Variants in ZNF407 observed in about 807,000 individuals in gnomAD.
ZNF407 encodes the protein zinc finger protein 407.
A neutral mutation model predicts 131.2 loss-of-function variants in ZNF407; 17 were observed. The observed-to-expected ratio is 0.13, with a 90% CI of 0.09 to 0.19. The LOEUF (loss-of-function observed/expected upper bound fraction) is 0.19, where lower values mean the gene tolerates loss of function less well. ZNF407 is among the 10% of genes least tolerant of loss of function. The probability of loss-of-function intolerance (pLI) is 1.00; values close to 1 mark genes in which losing one functional copy is unlikely to be tolerated. For missense variants in ZNF407, 2,681 were observed against 2,830.6 expected (o/e 0.95, Z 1.20); for synonymous variants, 1,156 against 1,062.0 (o/e 1.09, Z -1.72).
chr18:74,763,454 T>C (rs1369135349), intron 3 of ZNF407, among the ~76,000 whole-genome samples: 1 of 151,486 alleles, frequency 6.6e-6, no homozygotes, highest in African/African-American at 2.4e-5. Context: ...TATACATTTT[T>C]TCTTTAATGA....
Position 74,989,536 on chromosome 18 carries a change from T to A in ZNF407, c.5428+68844T>A, listed in dbSNP as rs185617791. On this transcript the variant is annotated intron_variant, in intron 8 of 8. Coordinates refer to ENST00000299687, the MANE Select transcript of ZNF407 (RefSeq NM_017757.3). ...TCGAAGATTCTATGAACTTAGCATT[T>A]TAGATATTGGAATTACATTTCTTGG... is the stretch of plus-strand genomic sequence containing the variant. 5.3e-5 allele frequency among the ~76,000 whole-genome samples: 8 copies of A among 152,296 alleles called. No individual in the cohort carries two copies. The East Asian group carries it at 1.5e-3, about 29-fold the overall frequency.
At chr18:74,869,770 T>C (rs1296655805) in intron 4 of ZNF407, among the ~76,000 whole-genome samples, 1 of 152,200 alleles carries the variant, frequency 6.6e-6, no homozygotes, top group Non-Finnish European at 1.5e-5. Flanking sequence ...TTGATTTGTT[T>C]ATGATGCTTT....
chr18:74,888,965 C>G (rs746034554), intron 6 of ZNF407, among the ~76,000 whole-genome samples: 7 of 152,194 alleles, frequency 4.6e-5, no homozygotes, highest in Non-Finnish European at 8.8e-5. Context: ...TGGTCAACAA[C>G]AGACCACATA....
intron 1 of ZNF407, among the ~76,000 whole-genome samples, chr18:74,629,993 T>C (rs920685306): frequency 6.6e-6 from 1 of 152,064 alleles, no homozygotes; most frequent in African/African-American, 2.4e-5. Flanking sequence ...AAATGACAAT[T>C]AGATGAGGAA....
At chr18:75,037,602 G>A (rs769420226) in intron 8 of ZNF407, among the ~76,000 whole-genome samples, 3 of 151,952 alleles carry the variant, frequency 2.0e-5, no homozygotes, top group African/African-American at 4.8e-5. Context: ...AATGAAGCCC[G>A]TCCGTCTCAA....
At chr18:74,621,670 C>T (rs1460259838) in intron 1 of ZNF407, among the ~76,000 whole-genome samples, 2 of 152,174 alleles carry the variant, frequency 1.3e-5, no homozygotes, top group Non-Finnish European at 2.9e-5. Flanking sequence ...CTTAGAACTT[C>T]GTCTCCAGCA....
At chr18:74,665,291 T>C (rs1252718166) in intron 3 of ZNF407, among the ~76,000 whole-genome samples, 1 of 152,220 alleles carries the variant, frequency 6.6e-6, no homozygotes, top group Non-Finnish European at 1.5e-5. Context: ...TTAGAGATCA[T>C]TAGCCATCTT....
chr18:74,857,351 C>T (rs986333000), intron 4 of ZNF407, among the ~76,000 whole-genome samples: 1 of 152,152 alleles, frequency 6.6e-6, no homozygotes, highest in Non-Finnish European at 1.5e-5. Flanking sequence ...AGAATTATTT[C>T]ATATTCTTCC....
chr18:74,857,673 A>G (rs1260650416), intron 4 of ZNF407, among the ~76,000 whole-genome samples: 2 of 152,178 alleles, frequency 1.3e-5, no homozygotes, highest in Non-Finnish European at 2.9e-5. Context: ...TTATAGTAAT[A>G]TCATAGTTTG....
intron 3 of ZNF407, among the ~76,000 whole-genome samples, chr18:74,672,308 C>T (rs919806346): frequency 1.3e-5 from 2 of 152,150 alleles, no homozygotes; most frequent in African/African-American, 4.8e-5. Context: ...ATCAGTGATA[C>T]TGAGCTTTTT....
chr18:75,030,689 G>T (rs1270142855), intron 8 of ZNF407, among the ~76,000 whole-genome samples: 2 of 152,150 alleles, frequency 1.3e-5, no homozygotes, highest in Non-Finnish European at 2.9e-5. Flanking sequence ...TTTAGGAGTG[G>T]CAGGACCCAT....
chr18:74,801,241 A>G (rs371627404), intron 4 of ZNF407, among the ~76,000 whole-genome samples: 5 of 152,152 alleles, frequency 3.3e-5, no homozygotes, highest in African/African-American at 4.8e-5. Flanking sequence ...AAAATGTAAA[A>G]CATTCAGTTT....
chr18:74,981,640 C>T (rs1184854595), intron 8 of ZNF407, among the ~76,000 whole-genome samples: 1 of 151,924 alleles, frequency 6.6e-6, no homozygotes, highest in Non-Finnish European at 1.5e-5. Context: ...ACGGAGGGCA[C>T]TGTCGCTCGG....
Position 74,920,501 on chromosome 18 carries a change from T to C in ZNF407, c.5250-13T>C. On this transcript the variant is annotated splice_polypyrimidine_tract_variant and intron_variant, in intron 7 of 8. Coordinates refer to ENST00000299687, the MANE Select transcript of ZNF407 (RefSeq NM_017757.3). Reference sequence around the variant, plus strand: ...GACCTTAATTAGATTTACTTTTCTGTCTTACTTGGTAGGTCAAACTGTGCT... The same window carrying C: ...GACCTTAATTAGATTTACTTTTCTGCCTTACTTGGTAGGTCAAACTGTGCT... The C allele has an allele frequency of 6.4e-7, 1 of 1,562,312 alleles. No individual in the cohort carries two copies. The highest frequency in any genetic ancestry group is 8.7e-7 in the Non-Finnish European group (1 of 1,144,898).
At chr18:74,785,962 T>C (rs929602209) in intron 4 of ZNF407, among the ~76,000 whole-genome samples, 1 of 152,214 alleles carries the variant, frequency 6.6e-6, no homozygotes, top group African/African-American at 2.4e-5. Flanking sequence ...ATGTGTGCAG[T>C]TGTGACTGAT....
chr18:74,699,293 C>T (rs1274790869), intron 3 of ZNF407, among the ~76,000 whole-genome samples: 2 of 152,090 alleles, frequency 1.3e-5, no homozygotes, highest in Non-Finnish European at 2.9e-5. Context: ...ATATGCTTTT[C>T]CTGGTACAGG....
At chr18:74,920,030 G>A (rs1044916497) in intron 7 of ZNF407, among the ~76,000 whole-genome samples, 5 of 152,150 alleles carry the variant, frequency 3.3e-5, no homozygotes, top group Non-Finnish European at 4.4e-5. Flanking sequence ...CCTGGGAGCC[G>A]TTTCTAGCTA....
At chr18:74,974,890 G>C (rs1486971398) in intron 8 of ZNF407, among the ~76,000 whole-genome samples, 1 of 152,186 alleles carries the variant, frequency 6.6e-6, no homozygotes, top group African/African-American at 2.4e-5. Context: ...CTTCTTTGCT[G>C]TGTCTTTGGG....
At chr18:74,973,142 G>A (rs1290918053) in intron 8 of ZNF407, among the ~76,000 whole-genome samples, 2 of 151,930 alleles carry the variant, frequency 1.3e-5, no homozygotes, top group African/African-American at 4.8e-5. Context: ...ATATATATGT[G>A]TGTGTGTGTG....
Sources: allele counts gnomAD v4.1 joint callset (sites outside exome capture counted in the v4.1 genomes callset), GRCh38; gene constraint gnomAD v4.1.1; transcripts MANE v1.5; gene names NCBI Gene and HGNC (gene_info 2026-07-23, HGNC 2026-07-21).